ZFHX3: variants seen among roughly 807,000 people sequenced by gnomAD.
ZFHX3 encodes the protein zinc finger homeobox protein 3.
ZFHX3 carries 42 observed loss-of-function variants against 279.1 expected under a neutral mutation model. That is an observed-to-expected ratio of 0.15 (90% CI 0.12 to 0.19). The LOEUF (loss-of-function observed/expected upper bound fraction) is 0.19. Ranked by LOEUF, ZFHX3 falls within the 10% of genes least tolerant of loss-of-function variation. ZFHX3 has a pLI of 1.00. For synonymous variants in ZFHX3, 2,293 were observed against 1,957.8 expected (o/e 1.17, Z -4.52); for missense variants, 4,981 against 4,754.0 (o/e 1.05, Z -1.40).
intron 3 of ZFHX3, among the ~76,000 whole-genome samples, chr16:73,355,433 CCA>C (rs1396258547): frequency 1.3e-5 from 2 of 152,180 alleles, no homozygotes; most frequent in Non-Finnish European, 2.9e-5. Flanking sequence ...CTCTCTCAAG[CCA>C]CAGACTCCTT....
intron 3 of ZFHX3, among the ~76,000 whole-genome samples, chr16:73,454,197 G>A (rs2018330897): frequency 6.6e-6 from 1 of 152,136 alleles, no homozygotes; most frequent in South Asian, 2.1e-4. Context: ...TGGTGTGCAT[G>A]GCAACAATAG....
intron 1 of ZFHX3, among the ~76,000 whole-genome samples, chr16:73,858,887 C>T (rs2142387781): frequency 6.6e-6 from 1 of 152,302 alleles, no homozygotes; most frequent in South Asian, 2.1e-4. Context: ...CTGATTGTGA[C>T]CAGCTTTTCC....
intron 3 of ZFHX3, among the ~76,000 whole-genome samples, chr16:72,897,299 G>C (rs1318672977): frequency 6.6e-6 from 1 of 152,208 alleles, no homozygotes; most frequent in African/African-American, 2.4e-5. Context: ...AACCTGGTGA[G>C]AGGGATGGGG....
intron 1 of ZFHX3, among the ~76,000 whole-genome samples, chr16:73,053,814 G>C (rs899025034): frequency 6.6e-6 from 1 of 152,162 alleles, no homozygotes; most frequent in Non-Finnish European, 1.5e-5. Flanking sequence ...AGAGGGCCCT[G>C]CAAAGAAGCA....
intron 2 of ZFHX3, among the ~76,000 whole-genome samples, chr16:73,478,324 A>C (rs1455517196): frequency 2.0e-5 from 3 of 152,032 alleles, no homozygotes; most frequent in Non-Finnish European, 2.9e-5. Context: ...ACATGCCTGA[A>C]CAGGGACTTG....
At chr16:73,207,514 A>G (rs1480392922) in intron 5 of ZFHX3, among the ~76,000 whole-genome samples, 1 of 152,232 alleles carries the variant, frequency 6.6e-6, no homozygotes, top group Non-Finnish European at 1.5e-5. Flanking sequence ...AAAGAACGAC[A>G]GCAGTACCCC....
chr16:73,195,432 T>G (rs76612279), intron 5 of ZFHX3, among the ~76,000 whole-genome samples: 1 of 148,628 alleles, frequency 6.7e-6, no homozygotes, highest in African/African-American at 2.5e-5. Flanking sequence ...TTTTTTTTTT[T>G]TTTTGAGATG....
chr16:73,756,175 A>C (rs534586303), intron 1 of ZFHX3, among the ~76,000 whole-genome samples: 7 of 152,240 alleles, frequency 4.6e-5, no homozygotes, highest in African/African-American at 1.7e-4. Flanking sequence ...CCAGGTTAAG[A>C]TAAAAGTCCA....
chr16:73,534,441 A>G (rs1221052696), intron 2 of ZFHX3, among the ~76,000 whole-genome samples: 1 of 152,062 alleles, frequency 6.6e-6, no homozygotes, highest in Non-Finnish European at 1.5e-5. Context: ...GCTTTATTCC[A>G]TCTCATGCAT....
intron 2 of ZFHX3, among the ~76,000 whole-genome samples, chr16:73,610,844 T>C (rs1028573330): frequency 1.3e-5 from 2 of 152,218 alleles, no homozygotes; most frequent in Non-Finnish European, 2.9e-5. Context: ...ACATAGATTC[T>C]AAATTCAAAG....
chr16:73,875,124 G>T (rs1485450215), intron 1 of ZFHX3, among the ~76,000 whole-genome samples: 3 of 152,082 alleles, frequency 2.0e-5, no homozygotes, highest in Non-Finnish European at 4.4e-5. Context: ...AATAAATCTA[G>T]GTTGTTTAAG....
chr16:73,746,561 T>A (rs2053705450), intron 1 of ZFHX3, among the ~76,000 whole-genome samples: 1 of 152,184 alleles, frequency 6.6e-6, no homozygotes, highest in Admixed American at 6.5e-5. Flanking sequence ...TCAGCCCCCT[T>A]GGGACTTCTG....
At chr16:73,584,111 A>C (rs774686285) in intron 2 of ZFHX3, among the ~76,000 whole-genome samples, 5 of 152,180 alleles carry the variant, frequency 3.3e-5, no homozygotes, top group African/African-American at 9.6e-5. Context: ...ACTCATGCAG[A>C]GCATAGTACA....
intron 2 of ZFHX3, among the ~76,000 whole-genome samples, chr16:73,526,364 G>A (rs1211237956): frequency 6.6e-6 from 1 of 152,200 alleles, no homozygotes; most frequent in Non-Finnish European, 1.5e-5. Flanking sequence ...GAAAATAAAT[G>A]TTACAGAGAA....
rs558148372 is a variant in ZFHX3 at position 72,940,417 on chromosome 16, T to C, written c.3216+10052A>G. ...TCCTGAGGGCTGGGGTCTGAACCCA[T>C]GGGAGGAGAAGAAGTCAGGGTAGCC... is the stretch of plus-strand genomic sequence containing the variant. On this transcript the variant is annotated intron_variant, in intron 3 of 9. Transcript: ENST00000268489. 7.2e-5 allele frequency among the ~76,000 whole-genome samples: 11 copies of C among 152,024 alleles called. No homozygotes were observed. The South Asian group carries it at 1.5e-3, about 20-fold the overall frequency.
chr16:73,424,266 A>G (rs1290949665), intron 3 of ZFHX3, among the ~76,000 whole-genome samples: 1 of 152,192 alleles, frequency 6.6e-6, no homozygotes, highest in Non-Finnish European at 1.5e-5. Flanking sequence ...AAACAGAGGT[A>G]ATGATACTTA....
intron 1 of ZFHX3, among the ~76,000 whole-genome samples, chr16:73,782,555 T>G (rs547103889): frequency 6.6e-6 from 1 of 152,268 alleles, no homozygotes; most frequent in African/African-American, 2.4e-5. Context: ...ATGAATATCC[T>G]TGAGTGAAGT....
At position 72,796,309 on chromosome 16, in the gene ZFHX3, G is replaced by A. The variant is rs2143429879; in HGVS notation, c.6373C>T (p.Pro2125Ser). Residue 2125 changes from proline to serine, a missense_variant, in exon 9 of 10, where the codon CCT becomes TCT. This residue lies in a region of ZFHX3 where 1,751 missense variants were observed against 1,770.0 expected (regional missense o/e 0.99). Coordinates refer to ENST00000268489, the MANE Select transcript of ZFHX3 (RefSeq NM_006885.4). ...TGGTAGAGTTGGGCCAGGTCCGCAG[G>A]CAGAGGCTCCACAGGTCCCAGCTGC... ...PPQLGPVEPLPADLAQLYQHQ... is the reference protein window; with the variant it reads ...PPQLGPVEPLSADLAQLYQHQ... 2 of 1,614,114 alleles carry A rather than the reference G, an allele frequency of 1.2e-6. No individual in the cohort carries two copies. Among genetic ancestry groups the A allele is most frequent in the Non-Finnish European group, 8.5e-7 (1 of 1,180,022 alleles).
At chr16:73,189,700 G>A (rs1837826846) in intron 5 of ZFHX3, among the ~76,000 whole-genome samples, 1 of 152,308 alleles carries the variant, frequency 6.6e-6, no homozygotes, top group Admixed American at 6.5e-5. Context: ...TTGGTAGGGA[G>A]CAAATGGGGA....
Sources: allele counts gnomAD v4.1 joint callset (sites outside exome capture counted in the v4.1 genomes callset), GRCh38; gene constraint gnomAD v4.1.1; regional missense constraint gnomAD v4.1.1; transcripts MANE v1.5; gene names NCBI Gene and HGNC (gene_info 2026-07-23, HGNC 2026-07-21).